Variants in WDFY3 observed in about 807,000 individuals in gnomAD.
WDFY3 encodes the protein WD repeat and FYVE domain-containing protein 3.
Under a neutral mutation model 409.6 loss-of-function variants are expected in WDFY3, and 66 were observed. The ratio of observed to expected loss-of-function variants is 0.16; its 90% confidence interval spans 0.13 to 0.20. The LOEUF (loss-of-function observed/expected upper bound fraction) is 0.20, where lower values mean the gene tolerates loss of function less well. Ranked by LOEUF, WDFY3 falls within the 10% of genes least tolerant of loss-of-function variation. WDFY3 has a pLI of 1.00. For missense variants in WDFY3, 3,031 were observed against 4,298.1 expected (o/e 0.71, Z 8.24); for synonymous variants, 1,521 against 1,537.1 (o/e 0.99, Z 0.25).
At position 84,682,378 on chromosome 4, in the gene WDFY3, T is replaced by A; in HGVS notation, c.9819A>T (p.Gln3273His). The stretch of plus-strand genomic sequence containing the variant: ...TTTTTAGAAAGTATTAAATACCTAT[T>A]TGTGCTTCTGGACAGTCTTCCTGCA... ...LEMQEDCPEAQIGQEAQDEDS... is the reference protein window; with the variant it reads ...LEMQEDCPEAHIGQEAQDEDS... The change falls in exon 64 of 68, where the codon CAA (glutamine) becomes CAT (histidine). Residue 3273 changes from glutamine (Q) to histidine (H), a missense_variant. By Grantham distance (24) the Gln-to-His change is conservative. Around this residue, in one of 16 missense-constraint regions of WDFY3, gnomAD observed 378 missense variants for 477.3 expected, o/e 0.79. Transcript: ENST00000295888. The A allele has an allele frequency of 8.1e-6, 13 of 1,613,132 alleles. No homozygotes were observed. Among genetic ancestry groups the A allele is most frequent in the Non-Finnish European group, 1.1e-5 (13 of 1,179,596 alleles).
At chr4:84,755,544 T>C (rs1741289690) in intron 33 of WDFY3, 144 bp from the exon 34 acceptor site, 5 of 870,202 alleles carry the variant, frequency 5.7e-6, no homozygotes, top group Non-Finnish European at 8.4e-6. Flanking sequence ...AAAGAACTAG[T>C]ACCCTTCCAT....
At chr4:84,838,234 T>C (rs1560890341) in intron 6 of WDFY3, among the ~76,000 whole-genome samples, 1 of 152,200 alleles carries the variant, frequency 6.6e-6, no homozygotes, top group Admixed American at 6.5e-5. Flanking sequence ...ATAAGCACTT[T>C]ACATACATCA....
At chr4:84,960,715 C>G (rs1774802810) in intron 1 of WDFY3, among the ~76,000 whole-genome samples, 1 of 152,098 alleles carries the variant, frequency 6.6e-6, no homozygotes, top group African/African-American at 2.4e-5. Flanking sequence ...TGAGCTCAAG[C>G]AATCCACCCA....
chr4:84,713,118 T>G (rs1390574922), intron 51 of WDFY3, 41 bp downstream of exon 51: 1 of 1,592,412 alleles, frequency 6.3e-7, no homozygotes, highest in South Asian at 1.1e-5. Context: ...TCATCCCAAC[T>G]TCACTATTAA....
At chr4:84,764,725 C>T (rs1438337940) in intron 32 of WDFY3, among the ~76,000 whole-genome samples, 11 of 151,730 alleles carry the variant, frequency 7.2e-5, no homozygotes, top group African/African-American at 2.4e-4. Flanking sequence ...AAAAATTAGC[C>T]GGGCGTGGTG....
chr4:84,774,331 C>T (rs184383712), intron 29 of WDFY3, among the ~76,000 whole-genome samples: 11 of 152,244 alleles, frequency 7.2e-5, no homozygotes, highest in Admixed American at 5.2e-4. Context: ...TGCCTTAAAC[C>T]GCATTTTGCA....
At chr4:84,900,566 T>G (rs1182704412) in intron 2 of WDFY3, among the ~76,000 whole-genome samples, 1 of 152,202 alleles carries the variant, frequency 6.6e-6, no homozygotes, top group Non-Finnish European at 1.5e-5. Flanking sequence ...AAAGGCATTA[T>G]GCTGAGTCAA....
chr4:84,706,615 G>A (rs1731992040), intron 53 of WDFY3, among the ~76,000 whole-genome samples: 1 of 151,746 alleles, frequency 6.6e-6, no homozygotes, highest in Non-Finnish European at 1.5e-5. Flanking sequence ...GGGAATAGAA[G>A]GCAGAGGAGA....
At position 84,815,086 on chromosome 4, in the gene WDFY3, T is replaced by C. The variant is rs145262114; in HGVS notation, c.1887+2306A>G. Among the ~76,000 whole-genome samples the C allele has an allele frequency of 9.6e-3, 1,466 of 152,236 alleles. 9 individuals carry two copies. The highest frequency in any genetic ancestry group is 0.017 in the South Asian group (81 of 4,824). On this transcript the variant is annotated intron_variant, in intron 13 of 67. Coordinates refer to ENST00000295888, the MANE Select transcript of WDFY3 (RefSeq NM_014991.6). ...CTGTCCTAGTTAAGAACTCAGCAGG[T>C]AGAGGAAAAATAATGTTTTTCTCAT...
chr4:84,814,811 A>G (rs1753035891), intron 13 of WDFY3, among the ~76,000 whole-genome samples: 1 of 152,184 alleles, frequency 6.6e-6, no homozygotes, highest in South Asian at 2.1e-4. Context: ...TATCACAGGT[A>G]TGAATATACA....
At chr4:84,945,001 G>C (rs1402879773) in intron 1 of WDFY3, among the ~76,000 whole-genome samples, 1 of 152,110 alleles carries the variant, frequency 6.6e-6, no homozygotes, top group Non-Finnish European at 1.5e-5. Flanking sequence ...GAGATTCTCA[G>C]AATAGCTACT....
In WDFY3 at chr4:84,736,427, A is replaced by G. The variant is rs188034711; in HGVS notation, c.6758-100T>C. ...GTTATAAACTACAACCCTGTAGTTA[A>G]CAAAAGTAGCACATATTACAGATGC... is the stretch of plus-strand genomic sequence containing the variant. On this transcript the variant is annotated intron_variant, in intron 41 of 67. Coordinates refer to ENST00000295888, the MANE Select transcript of WDFY3 (RefSeq NM_014991.6). 367 of 1,127,606 alleles carry G rather than the reference A, an allele frequency of 3.3e-4. 2 individuals are homozygous for G. In the African/African-American group the frequency reaches 5.5e-3, roughly 17 times the overall value. 69.9% of individuals were successfully genotyped at this position (1,127,606 alleles called of 1,614,324 possible). A position where few individuals can be genotyped will look rare whatever the true frequency, so the allele number is the denominator to read the frequency against.
intron 6 of WDFY3, among the ~76,000 whole-genome samples, chr4:84,840,038 T>A (rs1193883311): frequency 6.6e-6 from 1 of 152,172 alleles, no homozygotes; most frequent in African/African-American, 2.4e-5. Context: ...ATGGTACAAT[T>A]ATGTTACAGT....
intron 2 of WDFY3, among the ~76,000 whole-genome samples, chr4:84,929,762 T>G: frequency 6.6e-6 from 1 of 151,866 alleles, no homozygotes; most frequent in East Asian, 1.9e-4. Context: ...ATACAAAAAA[T>G]TAGCTGGATG....
chr4:84,751,193 C>T, intron 36 of WDFY3: 1 of 434,186 alleles, frequency 2.3e-6, no homozygotes, highest in South Asian at 2.3e-5. Flanking sequence ...ACCGTATGGC[C>T]CACAAGCTTA....
chr4:84,799,107 T>C (rs900135775), intron 17 of WDFY3, among the ~76,000 whole-genome samples: 2 of 152,168 alleles, frequency 1.3e-5, no homozygotes, highest in Admixed American at 6.5e-5. Flanking sequence ...TTGCCCTTAC[T>C]TTTTCACCTG....
chr4:84,737,455 A>C, intron 40 of WDFY3, 89 bp from the exon 41 acceptor site: 1 of 1,386,166 alleles, frequency 7.2e-7, no homozygotes, highest in South Asian at 1.6e-5. Context: ...TCATGTTTAC[A>C]TGTGGGAATT....
rs544198110 is a variant in WDFY3 at position 84,670,445 on chromosome 4, A to G, written c.*2423T>C. 81 of 152,810 alleles carry G rather than the reference A, an allele frequency of 5.3e-4. No individual in the cohort carries two copies. The highest frequency in any genetic ancestry group is 9.7e-4 in the Non-Finnish European group (66 of 68,042). 9.5% of individuals were successfully genotyped at this position (152,810 alleles called of 1,614,324 possible). A position where few individuals can be genotyped will look rare whatever the true frequency, so the allele number is the denominator to read the frequency against. On this transcript the variant is annotated 3_prime_UTR_variant, in exon 68 of 68. Coordinates refer to ENST00000295888, the MANE Select transcript of WDFY3 (RefSeq NM_014991.6). Reference sequence around the variant, plus strand: ...TGATTTCTGCATTAGAGGCAAAAAGAAAAGAAACCCGATTGAACAAAACAG... The same window carrying G: ...TGATTTCTGCATTAGAGGCAAAAAGGAAAGAAACCCGATTGAACAAAACAG...
chr4:84,918,803 T>TTG (rs199954395), intron 2 of WDFY3, among the ~76,000 whole-genome samples: 12 of 142,130 alleles, frequency 8.4e-5, no homozygotes, highest in Non-Finnish European at 1.4e-4. Context: ...ATGCGCATAT[T>TTG]TGTGTGTGTG....
Sources: gnomAD v4.1 joint callset for allele counts (sites outside exome capture counted in the v4.1 genomes callset) on GRCh38, gnomAD v4.1.1 for gene constraint, gnomAD v4.1.1 regional missense constraint, MANE v1.5 for transcripts, NCBI Gene and HGNC (gene_info 2026-07-23, HGNC 2026-07-21) for gene names.